The following SLIT1 variants were observed in gnomAD, a reference collection of about 807,000 sequenced individuals.
SLIT1 encodes slit guidance ligand 1.
Under a neutral mutation model 186.1 loss-of-function variants are expected in SLIT1, and 66 were observed. The observed-to-expected ratio is 0.35, with a 90% confidence interval of 0.29 to 0.44. The LOEUF (loss-of-function observed/expected upper bound fraction) is 0.44. SLIT1 is among the 20% of genes least tolerant of loss of function. The pLI is 1.00. For missense variants in SLIT1, 1,638 were observed against 2,037.4 expected (o/e 0.80, Z 3.77); for synonymous variants, 761 against 833.8 (o/e 0.91, Z 1.50).
intron 4 of SLIT1, among the ~76,000 whole-genome samples, chr10:97,086,489 A>T (rs1482952749): frequency 6.6e-6 from 1 of 152,066 alleles, no homozygotes; most frequent in East Asian, 1.9e-4. Context: ...GAGGCAAGAG[A>T]ATCGCTTGAA....
chr10:97,056,614 GC>G (rs1182559673), intron 12 of SLIT1, 150 bp from the exon 13 acceptor site: 3 of 787,446 alleles, frequency 3.8e-6, no homozygotes, highest in African/African-American at 3.5e-5. Flanking sequence ...CTGGATGTCT[GC>G]CCCACGGAGA....
At chr10:97,078,978 C>A (rs2817684) in intron 4 of SLIT1, among the ~76,000 whole-genome samples, 59,640 of 152,010 alleles carry the variant, frequency 0.39, 12,251 homozygotes, top group African/African-American at 0.49. Flanking sequence ...ATGGTGGGGG[C>A]AGGGGAGGTG....
chr10:97,148,605 G>T, intron 4 of SLIT1, among the ~76,000 whole-genome samples: 1 of 151,996 alleles, frequency 6.6e-6, no homozygotes, highest in Admixed American at 6.6e-5. Context: ...TTAAAATTTT[G>T]CATGTTAGCT....
chr10:97,120,404 G>T (rs928252892), intron 4 of SLIT1, among the ~76,000 whole-genome samples: 19 of 152,120 alleles, frequency 1.2e-4, no homozygotes, highest in African/African-American at 4.6e-4. Flanking sequence ...GAATACACAG[G>T]ACTGTTGTCT....
intron 5 of SLIT1, 127 bp from the exon 6 acceptor site, chr10:97,065,003 G>GC: frequency 1.8e-6 from 1 of 560,340 alleles, no homozygotes; most frequent in South Asian, 3.5e-5. Context: ...ATGTGTATAT[G>GC]TGTCAATCCA....
chr10:97,020,818 C>G (rs1848496251), intron 26 of SLIT1, among the ~76,000 whole-genome samples: 1 of 152,236 alleles, frequency 6.6e-6, no homozygotes, highest in Non-Finnish European at 1.5e-5. Flanking sequence ...AAGCCGGAAC[C>G]AGCCTCCAGT....
chr10:97,169,270 G>C (rs1288274276), intron 1 of SLIT1, among the ~76,000 whole-genome samples: 1 of 152,170 alleles, frequency 6.6e-6, no homozygotes, highest in East Asian at 1.9e-4. Flanking sequence ...TCTCAGGGGA[G>C]AGCCCCTCAG....
At chr10:97,164,680 C>A in intron 2 of SLIT1, 139 bp downstream of exon 2, 1 of 699,772 alleles carries the variant, frequency 1.4e-6, no homozygotes, top group Admixed American at 2.0e-5. Flanking sequence ...CCCGACACCC[C>A]TCAGGATGTC....
At chr10:97,082,302 A>AGTG (rs535262946) in intron 4 of SLIT1, among the ~76,000 whole-genome samples, 185 of 152,290 alleles carry the variant, frequency 1.2e-3, no homozygotes, top group African/African-American at 4.3e-3. Flanking sequence ...GATTGTTATT[A>AGTG]GTGGTGGTGG....
At chr10:97,172,651 C>T (rs1240607512) in intron 1 of SLIT1, among the ~76,000 whole-genome samples, 49 of 152,320 alleles carry the variant, frequency 3.2e-4, no homozygotes, top group Admixed American at 3.1e-3. Flanking sequence ...CGTGCTGGCT[C>T]ACTCCTATAA....
chr10:97,098,329 G>A (rs1849313234), intron 4 of SLIT1, among the ~76,000 whole-genome samples: 1 of 152,226 alleles, frequency 6.6e-6, no homozygotes, highest in South Asian at 2.1e-4. Flanking sequence ...CAGAGCTGGG[G>A]AAGACAGGCT....
At chr10:97,075,071 CCTTA>C (rs1320255879) in intron 4 of SLIT1, among the ~76,000 whole-genome samples, 1 of 152,330 alleles carries the variant, frequency 6.6e-6, no homozygotes, top group East Asian at 1.9e-4. Flanking sequence ...AGGGCACAGG[CCTTA>C]CTTTGTCTGC....
At chr10:97,090,365 C>T (rs911394842) in intron 4 of SLIT1, among the ~76,000 whole-genome samples, 4 of 151,894 alleles carry the variant, frequency 2.6e-5, no homozygotes, top group African/African-American at 7.2e-5. Context: ...GCAGAGGAAC[C>T]AGCAGGCACA....
intron 4 of SLIT1, among the ~76,000 whole-genome samples, chr10:97,125,023 G>T (rs1242716000): frequency 2.0e-5 from 3 of 152,176 alleles, no homozygotes; most frequent in Admixed American, 2.0e-4. Context: ...GTTAAAACAA[G>T]ATGTATTTCA....
At chr10:97,139,642 T>C (rs1272631937) in intron 4 of SLIT1, among the ~76,000 whole-genome samples, 4 of 152,180 alleles carry the variant, frequency 2.6e-5, no homozygotes, top group African/African-American at 4.8e-5. Flanking sequence ...TCCAAACTGC[T>C]AAATGGCTTC....
intron 4 of SLIT1, among the ~76,000 whole-genome samples, chr10:97,104,701 T>A (rs891364503): frequency 3.3e-5 from 5 of 151,920 alleles, no homozygotes; most frequent in African/African-American, 1.2e-4. Context: ...AATCCACACA[T>A]CTTCCCTCGT....
At chr10:97,086,857 C>A (rs1849165335) in intron 4 of SLIT1, among the ~76,000 whole-genome samples, 1 of 152,032 alleles carries the variant, frequency 6.6e-6, no homozygotes, top group South Asian at 2.1e-4. Context: ...TTGTCCAGAC[C>A]CATAGAGTCT....
chr10:97,152,402 G>A (rs1275240060), intron 4 of SLIT1, among the ~76,000 whole-genome samples: 1 of 152,138 alleles, frequency 6.6e-6, no homozygotes, highest in African/African-American at 2.4e-5. Context: ...AGGTCACGCT[G>A]GGGCTGCACC....
intron 4 of SLIT1, among the ~76,000 whole-genome samples, chr10:97,067,779 A>T (rs567306242): frequency 6.6e-6 from 1 of 152,290 alleles, no homozygotes; most frequent in Admixed American, 6.5e-5. Flanking sequence ...CCGTCCTGAC[A>T]TAGGCCCCAG....
Sources: allele counts gnomAD v4.1 joint callset (sites outside exome capture counted in the v4.1 genomes callset), GRCh38; gene constraint gnomAD v4.1.1; transcripts MANE v1.5; gene names NCBI Gene and HGNC (gene_info 2026-07-23, HGNC 2026-07-21).